ARHGAP15: variants seen among roughly 807,000 people sequenced by gnomAD.
ARHGAP15 encodes the protein Rho GTPase activating protein 15.
Under a neutral mutation model 63.7 loss-of-function variants are expected in ARHGAP15, and 51 were observed. The ratio of observed to expected loss-of-function variants is 0.80; its 90% CI spans 0.64 to 1.01. The LOEUF (loss-of-function observed/expected upper bound fraction) is 1.01. Among genes scored for constraint, ARHGAP15 ranks in the 50% least tolerant of loss-of-function variants. The pLI, the probability that ARHGAP15 is intolerant of heterozygous loss-of-function variation, is 0.00. For synonymous variants in ARHGAP15, 191 were observed against 193.8 expected, an observed-to-expected ratio of 0.99 and a Z score of 0.12; for missense variants, 560 against 564.6, an observed-to-expected ratio of 0.99 and a Z score of 0.08.
intron 11 of ARHGAP15, among the ~76,000 whole-genome samples, chr2:143,575,433 G>T (rs530967179): frequency 6.6e-6 from 1 of 152,186 alleles, no homozygotes; most frequent in East Asian, 1.9e-4. Context: ...GAGAGAACCA[G>T]GATTCTGTGA....
chr2:143,400,577 G>T (rs1687948596), intron 6 of ARHGAP15, among the ~76,000 whole-genome samples: 1 of 151,828 alleles, frequency 6.6e-6, no homozygotes, highest in South Asian at 2.1e-4. Flanking sequence ...TTCAAGGTAG[G>T]ATACACATGC....
chr2:143,323,068 G>A (rs1208627396), intron 6 of ARHGAP15, among the ~76,000 whole-genome samples: 1 of 152,096 alleles, frequency 6.6e-6, no homozygotes, highest in Non-Finnish European at 1.5e-5. Flanking sequence ...GGACTCTCTT[G>A]GGTTGATGTA....
chr2:143,481,905 A>T (rs560996938), intron 8 of ARHGAP15, among the ~76,000 whole-genome samples: 2 of 152,264 alleles, frequency 1.3e-5, no homozygotes, highest in African/African-American at 4.8e-5. Flanking sequence ...AAGTCTCTCA[A>T]CTGGTTAAGA....
chr2:143,368,467 A>T (rs1453786058), intron 6 of ARHGAP15, among the ~76,000 whole-genome samples: 1 of 152,072 alleles, frequency 6.6e-6, no homozygotes, highest in East Asian at 1.9e-4. Flanking sequence ...AGACATTTGG[A>T]ATTTTCCTAC....
intron 2 of ARHGAP15, chr2:143,162,622 C>T (rs1271257393): frequency 6.6e-6 from 1 of 151,986 alleles, no homozygotes; most frequent in Non-Finnish European, 1.5e-5. Flanking sequence ...AAAAGTGTAC[C>T]TTCTAATTAA....
chr2:143,688,996 TTTC>T lies in ARHGAP15; in HGVS notation c.1139-14420_1139-14418del, dbSNP rs375825910. ...AGGTAGTTTTTTAACTCACAGGAGT[TTTC>T]TTAATTTTGTGCTTGACTTGCATAT... On this transcript the variant is annotated intron_variant, in intron 12 of 13. Coordinates refer to ENST00000295095, the MANE Select transcript of ARHGAP15 (RefSeq NM_018460.4). Among the ~76,000 whole-genome samples, 473 of 152,230 alleles carry T rather than the reference TTTC, an allele frequency of 3.1e-3. 5 individuals carry two copies. Among genetic ancestry groups the T allele is most frequent in the African/African-American group, 0.011 (456 of 41,558 alleles).
At chr2:143,262,539 T>TA (rs1394899983) in intron 6 of ARHGAP15, among the ~76,000 whole-genome samples, 2 of 144,884 alleles carry the variant, frequency 1.4e-5, no homozygotes, top group Non-Finnish European at 3.0e-5. Flanking sequence ...CCTTTGATTT[T>TA]TTTTTTTTTT....
intron 8 of ARHGAP15, among the ~76,000 whole-genome samples, chr2:143,469,948 A>ACTCTCTCTCTTTTTTTTT (rs1420621534): frequency 1.4e-4 from 20 of 147,184 alleles, no homozygotes; most frequent in Non-Finnish European, 2.7e-4. Context: ...TGACTCTCTC[A>ACTCTCTCTCTTTTTTTTT]CTCTCTCTCT....
At chr2:143,607,304 T>C (rs1165417412) in intron 11 of ARHGAP15, among the ~76,000 whole-genome samples, 1 of 152,206 alleles carries the variant, frequency 6.6e-6, no homozygotes, top group Non-Finnish European at 1.5e-5. Flanking sequence ...CTGTATTTCA[T>C]AACACTTATC....
intron 11 of ARHGAP15, among the ~76,000 whole-genome samples, chr2:143,557,648 T>C (rs781554460): frequency 1.2e-4 from 18 of 152,112 alleles, no homozygotes; most frequent in Non-Finnish European, 2.4e-4. Context: ...TGTATTGATA[T>C]TGGCTTATCA....
At chr2:143,144,936 T>C (rs1199288485) in intron 1 of ARHGAP15, among the ~76,000 whole-genome samples, 2 of 152,044 alleles carry the variant, frequency 1.3e-5, no homozygotes, top group East Asian at 3.9e-4. Context: ...TAAAAATAAC[T>C]TTTTACAAAA....
chr2:143,660,362 T>C (rs1681693931), intron 12 of ARHGAP15, among the ~76,000 whole-genome samples: 1 of 152,200 alleles, frequency 6.6e-6, no homozygotes, highest in Non-Finnish European at 1.5e-5. Context: ...TTTTTGCCGA[T>C]ACTGCTTTCA....
In ARHGAP15 at chr2:143,685,149, CGAA is replaced by C. The variant is rs1683273434; in HGVS notation, c.1139-18268_1139-18266del. Among the ~76,000 whole-genome samples the C allele has an allele frequency of 1.3e-5, 2 of 152,000 alleles. 1 individual carries two copies. Among genetic ancestry groups the C allele is most frequent in the South Asian group, 4.2e-4 (2 of 4,810 alleles). On this transcript the variant is annotated intron_variant, in intron 12 of 13. Coordinates refer to ENST00000295095, the MANE Select transcript of ARHGAP15 (RefSeq NM_018460.4). ...GTTGCAGGAAAGCAAACCTCCACAC[CGAA>C]GTCGCATTTGCTCGGGAGAGGGGGG... is the stretch of plus-strand genomic sequence containing the variant.
At chr2:143,709,806 C>T (rs1277745691) in intron 13 of ARHGAP15, among the ~76,000 whole-genome samples, 1 of 152,128 alleles carries the variant, frequency 6.6e-6, no homozygotes, top group Non-Finnish European at 1.5e-5. Flanking sequence ...ATAATTCGTC[C>T]ACCCTGTCTT....
At chr2:143,630,381 ATTAT>A (rs1699014210) in intron 12 of ARHGAP15, among the ~76,000 whole-genome samples, 1 of 152,084 alleles carries the variant, frequency 6.6e-6, no homozygotes, top group Admixed American at 6.6e-5. Flanking sequence ...CTTATTTATA[ATTAT>A]TTACTTGATC....
chr2:143,411,982 A>G (rs1315018994), intron 6 of ARHGAP15, among the ~76,000 whole-genome samples: 1 of 152,222 alleles, frequency 6.6e-6, no homozygotes, highest in African/African-American at 2.4e-5. Context: ...GGCACAGAGC[A>G]AGAGGCTGAG....
chr2:143,700,892 A>G (rs1684058514), intron 12 of ARHGAP15, among the ~76,000 whole-genome samples: 1 of 152,184 alleles, frequency 6.6e-6, no homozygotes, highest in African/African-American at 2.4e-5. Flanking sequence ...GGTCTTGTGA[A>G]GCATCACATT....
At chr2:143,711,119 C>T (rs1192502749) in intron 13 of ARHGAP15, among the ~76,000 whole-genome samples, 1 of 152,124 alleles carries the variant, frequency 6.6e-6, no homozygotes, top group East Asian at 1.9e-4. Context: ...TGCTTTCATG[C>T]TACAAAGGCA....
chr2:143,378,031 C>T (rs1452415449), intron 6 of ARHGAP15, among the ~76,000 whole-genome samples: 1 of 151,924 alleles, frequency 6.6e-6, no homozygotes, highest in African/African-American at 2.4e-5. Context: ...TTAGAAACAG[C>T]CTTTGGAGAT....
Sources: allele counts gnomAD v4.1 joint callset (sites outside exome capture counted in the v4.1 genomes callset), GRCh38; gene constraint gnomAD v4.1.1; transcripts MANE v1.5; gene names NCBI Gene and HGNC (gene_info 2026-07-23, HGNC 2026-07-21).